The following ENPP1 variants were observed in gnomAD, a reference collection of about 807,000 sequenced individuals.
ENPP1 encodes the protein ectonucleotide pyrophosphatase/phosphodiesterase family member 1.
A neutral mutation model predicts 122.8 loss-of-function variants in ENPP1; 73 were observed. That is an observed-to-expected ratio of 0.59 (90% CI 0.49 to 0.72). The LOEUF (loss-of-function observed/expected upper bound fraction) is 0.72. ENPP1 is among the 30% of genes least tolerant of loss of function. The probability of loss-of-function intolerance (pLI) is 0.00; values close to 1 mark genes in which losing one functional copy is unlikely to be tolerated. For missense variants in ENPP1, 978 were observed against 1,128.1 expected (o/e 0.87, Z 1.91); for synonymous variants, 367 against 391.6 (o/e 0.94, Z 0.74).
At chr6:131,826,402 C>A in intron 1 of ENPP1, 1 of 941,536 alleles carries the variant, frequency 1.1e-6, no homozygotes, top group Non-Finnish European at 1.7e-6. Context: ...ATTAATAGGA[C>A]CCCAAAAGAG....
intron 8 of ENPP1, among the ~76,000 whole-genome samples, chr6:131,860,924 A>G (rs1290984133): frequency 1.3e-5 from 2 of 152,140 alleles, no homozygotes; most frequent in Non-Finnish European, 2.9e-5. Flanking sequence ...TTTAATTTTT[A>G]AAATTCTCCA....
rs183648209 is a variant in ENPP1 at position 131,875,390 on chromosome 6, T to C, written c.1636-386T>C. Among the ~76,000 whole-genome samples, 723 of 152,292 alleles carry C rather than the reference T, an allele frequency of 4.7e-3. 4 individuals are homozygous for C. The highest frequency in any genetic ancestry group is 0.017 in the African/African-American group (698 of 41,574). On this transcript the variant is annotated intron_variant, in intron 16 of 24. Coordinates refer to ENST00000647893, the MANE Select transcript of ENPP1 (RefSeq NM_006208.3). ...TATCAGACTTATGTTCTGAGAAGGA[T>C]AATATCTTACATTTACCCAGCACTT...
intron 8 of ENPP1, among the ~76,000 whole-genome samples, chr6:131,860,780 A>C (rs1367682223): frequency 2.0e-5 from 3 of 151,348 alleles, no homozygotes; most frequent in African/African-American, 7.3e-5. Flanking sequence ...ATATAGCAGT[A>C]GTATGGGGGT....
intron 7 of ENPP1, 108 bp from the exon 8 acceptor site, chr6:131,860,279 A>AATTCCATGT: frequency 1.2e-6 from 1 of 861,168 alleles, no homozygotes; most frequent in Non-Finnish European, 1.8e-6. Context: ...AACTTATTAT[A>AATTCCATGT]ATTCCATGTA....
chr6:131,839,618 T>C (rs970187845), intron 1 of ENPP1, among the ~76,000 whole-genome samples: 11 of 152,156 alleles, frequency 7.2e-5, no homozygotes, highest in Non-Finnish European at 1.3e-4. Flanking sequence ...TGGAGAAACT[T>C]TGGAAAATAA....
At chr6:131,845,916 C>T (rs768821938) in intron 1 of ENPP1, among the ~76,000 whole-genome samples, 3 of 151,970 alleles carry the variant, frequency 2.0e-5, no homozygotes, top group Non-Finnish European at 2.9e-5. Context: ...AAGGAATATA[C>T]ACACACACAC....
At chr6:131,851,780 A>G (rs1781884905) in intron 4 of ENPP1, among the ~76,000 whole-genome samples, 1 of 151,950 alleles carries the variant, frequency 6.6e-6, no homozygotes, top group South Asian at 2.1e-4. Context: ...TTTTTTTTCA[A>G]ATTTCTTGAC....
intron 24 of ENPP1, 107 bp downstream of exon 24, chr6:131,886,831 C>T (rs527831544): frequency 1.7e-5 from 13 of 764,204 alleles, no homozygotes; most frequent in Middle Eastern, 2.7e-4. Flanking sequence ...CAACTGAGTA[C>T]ACATGGACTT....
At chr6:131,887,576 T>TTTTTGA (rs1782398662) in intron 24 of ENPP1, among the ~76,000 whole-genome samples, 49 of 146,120 alleles carry the variant, frequency 3.4e-4, no homozygotes, top group African/African-American at 6.1e-4. Flanking sequence ...TTTTTTTTTT[T>TTTTTGA]GAGACAGAGT....
chr6:131,811,376 ATATATCTATATCTATATC>A (rs56938500), intron 1 of ENPP1, among the ~76,000 whole-genome samples: 290 of 131,290 alleles, frequency 2.2e-3, no homozygotes, highest in African/African-American at 7.3e-3. Context: ...ATCTATATCT[ATATATCTATATCTATATC>A]TATATCTATA....
At chr6:131,857,095 A>G (rs184470636) in intron 6 of ENPP1, among the ~76,000 whole-genome samples, 48 of 152,228 alleles carry the variant, frequency 3.2e-4, no homozygotes, top group Non-Finnish European at 5.3e-4. Flanking sequence ...CAAAACCACT[A>G]TGAGATACCA....
chr6:131,864,114 A>G (rs1039576857), intron 9 of ENPP1, among the ~76,000 whole-genome samples: 73 of 152,182 alleles, frequency 4.8e-4, no homozygotes, highest in African/African-American at 1.7e-3. Flanking sequence ...AATACTGCGT[A>G]GAGAACTGCT....
At chr6:131,878,027 A>T (rs898230457) in intron 18 of ENPP1, among the ~76,000 whole-genome samples, 1 of 151,282 alleles carries the variant, frequency 6.6e-6, no homozygotes, top group African/African-American at 2.4e-5. Context: ...TTTTTTAATT[A>T]CTGGTGTGAT....
intron 1 of ENPP1, among the ~76,000 whole-genome samples, chr6:131,840,370 G>A (rs1302681481): frequency 1.3e-5 from 2 of 152,324 alleles, no homozygotes; most frequent in Non-Finnish European, 2.9e-5. Flanking sequence ...AAGGAAAAAT[G>A]TTAATGCACT....
intron 13 of ENPP1, among the ~76,000 whole-genome samples, chr6:131,870,769 A>C (rs1006210749): frequency 6.6e-6 from 1 of 152,168 alleles, no homozygotes; most frequent in Non-Finnish European, 1.5e-5. Flanking sequence ...CTGTTATAAA[A>C]CCTGTTATAA....
intron 2 of ENPP1, among the ~76,000 whole-genome samples, chr6:131,848,557 G>A (rs536438240): frequency 1.3e-5 from 2 of 152,062 alleles, no homozygotes; most frequent in South Asian, 2.1e-4. Context: ...AAGCTATCAT[G>A]TACTGTTGAA....
At position 131,861,671 on chromosome 6, in the gene ENPP1, G is replaced by A; in HGVS notation, c.992G>A (p.Gly331Glu). 1 of 1,612,646 alleles carries A rather than the reference G, an allele frequency of 6.2e-7. No homozygotes were observed. Among genetic ancestry groups the A allele is most frequent in the Admixed American group, 1.7e-5 (1 of 60,012 alleles). ...FWPGSDVEINGIFPDIYKMYN... is the reference protein window; with the variant it reads ...FWPGSDVEINEIFPDIYKMYN... ...CCAGGATCAGATGTGGAAATTAACGGAATTTTCCCAGACATCTATAAAATG... is the reference window on the plus strand; with the variant it reads ...CCAGGATCAGATGTGGAAATTAACGAAATTTTCCCAGACATCTATAAAATG... The change falls in exon 9 of 25, where the codon GGA becomes GAA. Residue 331 changes from glycine to glutamate, a missense_variant. Transcript: ENST00000647893.
intron 1 of ENPP1, among the ~76,000 whole-genome samples, chr6:131,845,751 G>C (rs1005843346): frequency 2.6e-5 from 4 of 152,018 alleles, no homozygotes; most frequent in African/African-American, 9.7e-5. Flanking sequence ...GTTTTTGATA[G>C]ATATTTTTAG....
At chr6:131,844,761 G>T (rs1340093249) in intron 1 of ENPP1, among the ~76,000 whole-genome samples, 1 of 152,176 alleles carries the variant, frequency 6.6e-6, no homozygotes, top group African/African-American at 2.4e-5. Context: ...CATAAATGAG[G>T]AGAGTGGTTG....
Sources: gnomAD v4.1 joint callset for allele counts (sites outside exome capture counted in the v4.1 genomes callset) on GRCh38, gnomAD v4.1.1 for gene constraint, MANE v1.5 for transcripts, NCBI Gene and HGNC (gene_info 2026-07-23, HGNC 2026-07-21) for gene names.